The following DOK7 variants were observed in gnomAD, a reference collection of about 807,000 sequenced individuals.
DOK7 encodes the protein protein Dok-7.
DOK7 carries 32 observed loss-of-function variants against 30.7 expected under a neutral mutation model. The ratio of observed to expected loss-of-function variants is 1.04; its 90% CI spans 0.79 to 1.40. The LOEUF (loss-of-function observed/expected upper bound fraction) is 1.40, where lower values mean the gene tolerates loss of function less well. Among genes scored for constraint, DOK7 ranks in the 40% most tolerant of loss-of-function variants. The pLI is 0.00. For synonymous variants in DOK7, 447 were observed against 324.1 expected (o/e 1.38, Z -4.07); for missense variants, 1,007 against 699.2 (o/e 1.44, Z -4.97).
In DOK7 at chr4:3,491,911, C is replaced by T. The variant is rs543048142; in HGVS notation, c.773-848C>T. ...GTGTTCCCACGGCCAAGTGCAGGAG[C>T]CGTGCTGGTCCGGCCAGTGCCCTCT... is the stretch of plus-strand genomic sequence containing the variant. On this transcript the variant is annotated intron_variant, in intron 6 of 6. Coordinates refer to ENST00000340083, the MANE Select transcript of DOK7 (RefSeq NM_173660.5). Among the ~76,000 whole-genome samples, 11 of 152,330 alleles carry T rather than the reference C, an allele frequency of 7.2e-5. No homozygotes were observed. The South Asian group carries it at 2.3e-3, about 32-fold the overall frequency.
In DOK7 at chr4:3,492,748, C is replaced by G; in HGVS notation, c.773-11C>G. On this transcript the variant is annotated splice_polypyrimidine_tract_variant and intron_variant, in intron 6 of 6. Transcript: ENST00000340083. ...CCCCCACAACTGCCTTGGCTTCCTG[C>G]TCTGTCTCAGGGGATGACCGCAGCC... 1 of 1,612,356 alleles carries G rather than the reference C, an allele frequency of 6.2e-7. No individual in the cohort carries two copies. The highest frequency in any genetic ancestry group is 1.3e-5 in the African/African-American group (1 of 75,020).
chr4:3,467,976 CCCA>C (rs776696333), intron 2 of DOK7, among the ~76,000 whole-genome samples: 11 of 152,188 alleles, frequency 7.2e-5, no homozygotes, highest in Non-Finnish European at 1.5e-5. Flanking sequence ...TCCCAAAGGC[CCCA>C]CCACTAACCC....
At chr4:3,486,075 G>A (rs902705902) in intron 5 of DOK7, among the ~76,000 whole-genome samples, 2 of 152,240 alleles carry the variant, frequency 1.3e-5, no homozygotes, top group Admixed American at 6.5e-5. Context: ...AGCTGGGGTC[G>A]GGACTGGCTC....
chr4:3,491,287 G>T (rs78108551), intron 6 of DOK7, among the ~76,000 whole-genome samples: 10 of 60,438 alleles, frequency 1.7e-4, no homozygotes, highest in African/African-American at 2.6e-4. Context: ...TCCTTCCTCC[G>T]CCCCCCCGCT....
At chr4:3,488,239 G>A (rs941292913) in intron 5 of DOK7, among the ~76,000 whole-genome samples, 1 of 152,234 alleles carries the variant, frequency 6.6e-6, no homozygotes, top group Non-Finnish European at 1.5e-5. Context: ...ACCCAGAGGT[G>A]GGGGAGGCTC....
At chr4:3,485,741 G>A in intron 5 of DOK7, 83 bp downstream of exon 5, 1 of 1,386,048 alleles carries the variant, frequency 7.2e-7, no homozygotes, top group South Asian at 1.7e-5. Context: ...ACAGTGATTT[G>A]TCAGCCCCAG....
In DOK7 at chr4:3,493,266, G is replaced by C; in HGVS notation, c.1280G>C (p.Gly427Ala). 1 of 1,611,466 alleles carries C rather than the reference G, an allele frequency of 6.2e-7. No homozygotes were observed. The highest frequency in any genetic ancestry group is 1.1e-5 in the South Asian group (1 of 90,896). ...DHSPPSQGSP[G>A]NSAARDSGGQ... ...AGCCCCCCCTCACAGGGCAGCCCCG[G>C]CAACAGTGCGGCCAGGGACTCAGGC... is the stretch of plus-strand genomic sequence containing the variant. Residue 427 changes from glycine to alanine, a missense_variant, in exon 7 of 7, where the codon GGC becomes GCC. Coordinates refer to ENST00000340083, the MANE Select transcript of DOK7 (RefSeq NM_173660.5).
At chr4:3,496,434 G>A (rs777439179), downstream of DOK7, among the ~76,000 whole-genome samples, 7 of 152,258 alleles carry the variant, frequency 4.6e-5, no homozygotes, top group African/African-American at 1.2e-4. Context: ...CAGCTCTGAG[G>A]TCGGAGCCCA....
downstream of DOK7, among the ~76,000 whole-genome samples, chr4:3,496,661 G>C (rs565164096): frequency 7.9e-5 from 12 of 152,168 alleles, no homozygotes; most frequent in Non-Finnish European, 1.6e-4. Context: ...GCCCTGGAGA[G>C]AAGGCATCAG....
At position 3,493,561 on chromosome 4, in the gene DOK7, G is replaced by C. The variant is rs902076900; in HGVS notation, c.*60G>C. On this transcript the variant is annotated 3_prime_UTR_variant, in exon 7 of 7. Transcript: ENST00000340083. ...CTGAATTTGCCCCCAGATGGCAGAG[G>C]AAGTGGCGCCAGCCTCCTTGCAGAC... 3.8e-6 allele frequency: 6 copies of C among 1,579,384 alleles called. No individual in the cohort carries two copies. The African/African-American group carries it at 5.4e-5, about 14-fold the overall frequency.
At chr4:3,497,011 G>A, downstream of DOK7, 1 of 908,994 alleles carries the variant, frequency 1.1e-6, no homozygotes, top group African/African-American at 1.7e-5. Flanking sequence ...TGTGGTGAAA[G>A]TGGTTGTTGG....
At chr4:3,468,991 CAT>C (rs1218050609) in intron 2 of DOK7, among the ~76,000 whole-genome samples, 1 of 131,718 alleles carries the variant, frequency 7.6e-6, no homozygotes, top group Non-Finnish European at 1.6e-5. Flanking sequence ...CCTGTGTATG[CAT>C]GTGTGAGTGT....
intron 5 of DOK7, among the ~76,000 whole-genome samples, chr4:3,488,278 C>G (rs571995877): frequency 6.6e-6 from 1 of 152,322 alleles, no homozygotes; most frequent in South Asian, 2.1e-4. Flanking sequence ...TTCCTGGGCC[C>G]GGTGCTGTGA....
rs372774489 is a variant in DOK7, at chr4:3,469,726, G to A, written c.101-3680G>A. On this transcript the variant is annotated intron_variant, in intron 2 of 6. Transcript: ENST00000340083. ...TTGACCTGGCTTGGTCTCAGCCCTG[G>A]GCCTGGAGCTTCCATCTCTCTGGTA... Among the ~76,000 whole-genome samples, 51 of 152,340 alleles carry A rather than the reference G, an allele frequency of 3.3e-4. 5 individuals carry two copies. The East Asian group carries it at 4.8e-3, about 14-fold the overall frequency.
chr4:3,497,106 C>G (rs1728952667), downstream of DOK7, among the ~76,000 whole-genome samples: 1 of 151,808 alleles, frequency 6.6e-6, no homozygotes. Context: ...GGGGTGAGTC[C>G]CAGCCCAGGT....
chr4:3,487,361 C>G (rs1278377646), intron 5 of DOK7, among the ~76,000 whole-genome samples: 1 of 152,230 alleles, frequency 6.6e-6, no homozygotes, highest in Admixed American at 6.5e-5. Context: ...CACTGGAGCC[C>G]CGTGATCACA....
In DOK7 at chr4:3,476,173, C is replaced by T. The variant is rs76913605; in HGVS notation, c.332-169C>T. Among the ~76,000 whole-genome samples the T allele has an allele frequency of 0.1, 13,283 of 132,788 alleles. 1,264 individuals carry two copies. The highest frequency in any genetic ancestry group is 0.19 in the East Asian group (817 of 4,376). The allele number at this position is 132,788 out of a possible 152,430, so 87.1% of individuals were successfully genotyped here. A position where few individuals can be genotyped will look rare whatever the true frequency, so the allele number is the denominator to read the frequency against. ...GCCTGACCGTGATGCCCTCTCGCCC[C>T]GCCCACCCTCGATGCCCTCTCACCT... On this transcript the variant is annotated intron_variant, in intron 3 of 6. Transcript: ENST00000340083.
intron 2 of DOK7, among the ~76,000 whole-genome samples, chr4:3,468,873 G>C (rs374423314): frequency 2.1e-5 from 3 of 140,348 alleles, no homozygotes; most frequent in African/African-American, 8.4e-5. Context: ...GTGCATGCCT[G>C]TGTACGAGTG....
Position 3,493,917 on chromosome 4 carries a change from C to T in DOK7, c.*416C>T, listed in dbSNP as rs1291295038. ...GGGTGGCCGGTTCTCCCCATCACCT[C>T]TCTGGGGCAGTCACACCACCTGTTA... is the stretch of plus-strand genomic sequence containing the variant. On this transcript the variant is annotated 3_prime_UTR_variant, in exon 7 of 7. Transcript: ENST00000340083. 3.8e-6 allele frequency: 4 copies of T among 1,040,262 alleles called. No homozygotes were observed. The highest frequency in any genetic ancestry group is 4.6e-6 in the Non-Finnish European group (4 of 866,514). 64.4% of individuals were successfully genotyped at this position (1,040,262 alleles called of 1,614,324 possible).
Sources: gnomAD v4.1 joint callset for allele counts (sites outside exome capture counted in the v4.1 genomes callset) on GRCh38, gnomAD v4.1.1 for gene constraint, MANE v1.5 for transcripts, NCBI Gene and HGNC (gene_info 2026-07-23, HGNC 2026-07-21) for gene names.